RICTOR: variants seen among roughly 807,000 people sequenced by gnomAD.
RICTOR encodes rapamycin-insensitive companion of mTOR.
Under a neutral mutation model 214.9 loss-of-function variants are expected in RICTOR, and 49 were observed. The observed-to-expected ratio is 0.23, with a 90% CI of 0.18 to 0.29. The LOEUF (loss-of-function observed/expected upper bound fraction) is 0.29, where lower values mean the gene tolerates loss of function less well. Among genes scored for constraint, RICTOR ranks in the 10% least tolerant of loss-of-function variants. RICTOR has a pLI of 1.00. For synonymous variants in RICTOR, 717 were observed against 711.3 expected (o/e 1.01, Z -0.13); for missense variants, 1,625 against 2,047.0 (o/e 0.79, Z 3.98).
At chr5:38,955,258 T>C (rs746824542) in intron 26 of RICTOR, among the ~76,000 whole-genome samples, 3 of 152,036 alleles carry the variant, frequency 2.0e-5, no homozygotes, top group African/African-American at 7.2e-5. Context: ...TCGTTATATA[T>C]ATGCAAATAT....
rs1749635644 is a variant in RICTOR at position 38,959,890 on chromosome 5, T to C, written c.1940A>G (p.Gln647Arg). 6.2e-7 allele frequency: 1 copy of C among 1,613,010 alleles called. No homozygotes were observed. Among genetic ancestry groups the C allele is most frequent in the Admixed American group, 1.7e-5 (1 of 59,992 alleles). ...AAGGGTGGTCAATAAACCATTATTT[T>C]GAAGACTTCTTTCGGGTTTCATTCC... ...SSGMKPERSL[Q>R]NNGLLTTLSQ... is the part of the protein sequence containing the mutation. Residue 647 changes from glutamine (Q) to arginine (R), a missense_variant, in exon 21 of 38, where the codon CAA becomes CGA. By Grantham distance (43) the Gln-to-Arg change is conservative (BLOSUM62 1). Coordinates refer to ENST00000357387, the MANE Select transcript of RICTOR (RefSeq NM_152756.5).
intron 3 of RICTOR, among the ~76,000 whole-genome samples, chr5:39,010,356 T>C (rs1754411459): frequency 6.6e-6 from 1 of 152,188 alleles, no homozygotes; most frequent in Admixed American, 6.5e-5. Flanking sequence ...CCTTTATAGA[T>C]TATCCAATCT....
chr5:39,041,728 G>T (rs566659193), intron 2 of RICTOR, among the ~76,000 whole-genome samples: 73 of 152,150 alleles, frequency 4.8e-4, no homozygotes, highest in African/African-American at 1.7e-3. Flanking sequence ...GCTGTAGTAA[G>T]CTTATGCACC....
intron 3 of RICTOR, among the ~76,000 whole-genome samples, chr5:39,009,318 A>G (rs1754311830): frequency 6.6e-6 from 1 of 152,164 alleles, no homozygotes; most frequent in African/African-American, 2.4e-5. Flanking sequence ...CATTTCCTAG[A>G]GTTAGCAGTT....
intron 2 of RICTOR, among the ~76,000 whole-genome samples, chr5:39,040,335 G>C (rs1321989652): frequency 9.2e-6 from 1 of 108,718 alleles, no homozygotes; most frequent in East Asian, 3.3e-4. Context: ...GGGGAGGGGG[G>C]AGGGATAGCA....
intron 25 of RICTOR, among the ~76,000 whole-genome samples, chr5:38,957,056 T>C (rs865850995): frequency 6.6e-6 from 1 of 152,264 alleles, no homozygotes; most frequent in African/African-American, 2.4e-5. Context: ...GTTTCCAAGA[T>C]GCTTCGATGA....
intron 16 of RICTOR, among the ~76,000 whole-genome samples, chr5:38,963,745 C>T (rs377167736): frequency 1.3e-5 from 2 of 151,778 alleles, no homozygotes; most frequent in East Asian, 3.9e-4. Flanking sequence ...AATTTGAATT[C>T]CTGATAAACC....
At chr5:39,005,106 T>A (rs777837344) in intron 3 of RICTOR, among the ~76,000 whole-genome samples, 45 of 152,188 alleles carry the variant, frequency 3.0e-4, no homozygotes, top group Non-Finnish European at 5.6e-4. Flanking sequence ...TTTAAAGACA[T>A]CTTTCCTTAT....
At chr5:38,961,517 T>C (rs994779666) in intron 19 of RICTOR, among the ~76,000 whole-genome samples, 5 of 152,144 alleles carry the variant, frequency 3.3e-5, no homozygotes, top group Admixed American at 1.3e-4. Context: ...TTCTACTGAA[T>C]TTAGTTCAGT....
rs187215127 is a variant in RICTOR at position 38,990,620 on chromosome 5, A to G, written c.583+329T>C. On this transcript the variant is annotated intron_variant, in intron 7 of 37. Transcript: ENST00000357387. ...ACGATATATATGATATATATACGAT[A>G]TATGATATATATATCTGACATATAT... 1.1e-3 allele frequency among the ~76,000 whole-genome samples: 122 copies of G among 114,990 alleles called. 9 individuals carry two copies. Among genetic ancestry groups the G allele is most frequent in the African/African-American group, 3.9e-3 (120 of 30,998 alleles). 75.4% of individuals were successfully genotyped at this position (114,990 alleles called of 152,430 possible).
chr5:39,002,746 C>T (rs1753737004), intron 4 of RICTOR, 80 bp from the exon 5 acceptor site: 10 of 1,417,444 alleles, frequency 7.1e-6, no homozygotes, highest in Non-Finnish European at 9.6e-6. Context: ...AATTATTCCT[C>T]AGCCAAAATA....
chr5:38,996,979 A>G, intron 5 of RICTOR, 97 bp from the exon 6 acceptor site: 1 of 791,254 alleles, frequency 1.3e-6, no homozygotes, highest in East Asian at 2.5e-5. Flanking sequence ...CACAATGTCA[A>G]TATGGTATAT....
chr5:39,002,591 T>C lies in RICTOR; in HGVS notation c.336A>G (p.Gln112=), dbSNP rs750303634. The C allele has an allele frequency of 6.2e-7, 1 of 1,612,078 alleles. No individual in the cohort carries two copies. The highest frequency in any genetic ancestry group is 8.5e-7 in the Non-Finnish European group (1 of 1,178,478). Residue 112 remains glutamine, a synonymous_variant, in exon 5 of 38, where the codon CAA becomes CAG. Transcript: ENST00000357387. ...AGLRALRYLI[Q]DSSILQKVLK... ...GCACCTTCTGGAGAATACTGGAGTC[T>C]TGGATGAGATATCGAAGCGCTCGTA...
At chr5:38,959,135 T>C (rs1378052031) in intron 22 of RICTOR, 60 bp downstream of exon 22, 15 of 1,309,498 alleles carry the variant, frequency 1.1e-5, no homozygotes, top group Non-Finnish European at 1.6e-5. Flanking sequence ...TAGCCCAAAA[T>C]TCATAAAGTA....
At chr5:38,962,249 C>A in intron 19 of RICTOR, 66 bp downstream of exon 19, 1 of 660,662 alleles carries the variant, frequency 1.5e-6, no homozygotes, top group South Asian at 2.3e-5. Flanking sequence ...CATATTTTAG[C>A]AGGTATTAGG....
rs185440036 is a variant in RICTOR, at chr5:38,971,807, T to C, written c.972+70A>G. 4.3e-3 allele frequency: 3,066 copies of C among 706,250 alleles called. 12 individuals carry two copies. The highest frequency in any genetic ancestry group is 0.011 in the Middle Eastern group (37 of 3,224). The allele number at this position is 706,250 out of a possible 1,614,324, so 43.7% of individuals were successfully genotyped here. ...GAGGAAAACACATCACCTGAAATAA[T>C]TTTTTTTTTATAATTAATTCCCACT... is the stretch of plus-strand genomic sequence containing the variant. On this transcript the variant is annotated intron_variant, in intron 11 of 37. Coordinates refer to ENST00000357387, the MANE Select transcript of RICTOR (RefSeq NM_152756.5).
chr5:39,006,746 G>A (rs1340723860), intron 3 of RICTOR, among the ~76,000 whole-genome samples: 50 of 87,396 alleles, frequency 5.7e-4, no homozygotes, highest in South Asian at 1.3e-3. Context: ...GGGAGAGGAG[G>A]GGAGAGGAGG....
intron 2 of RICTOR, among the ~76,000 whole-genome samples, chr5:39,043,711 C>T (rs1325416419): frequency 6.6e-6 from 1 of 152,108 alleles, no homozygotes; most frequent in African/African-American, 2.4e-5. Context: ...CCCAGTGTGG[C>T]TGTATTGAGA....
intron 5 of RICTOR, among the ~76,000 whole-genome samples, chr5:38,998,708 G>GA (rs1367121513): frequency 6.6e-6 from 1 of 152,098 alleles, no homozygotes. Flanking sequence ...GCGGAGACCT[G>GA]AAATCTTTAA....
Sources: allele counts gnomAD v4.1 joint callset (sites outside exome capture counted in the v4.1 genomes callset), GRCh38; gene constraint gnomAD v4.1.1; transcripts MANE v1.5; gene names NCBI Gene and HGNC (gene_info 2026-07-23, HGNC 2026-07-21).